ZNF79: variants seen among roughly 807,000 people sequenced by gnomAD.
ZNF79 encodes the protein zinc finger protein 79, also known as ZNFpT7.
A neutral mutation model predicts 14.9 loss-of-function variants in ZNF79; 13 were observed. The ratio of observed to expected loss-of-function variants is 0.87; its 90% CI spans 0.57 to 1.38. The LOEUF is 1.38. Among genes scored for constraint, ZNF79 ranks in the 40% most tolerant of loss-of-function variants. The probability of loss-of-function intolerance (pLI) is 0.00; values close to 1 mark genes in which losing one functional copy is unlikely to be tolerated. For missense variants in ZNF79, 631 were observed against 630.6 expected (o/e 1.00, Z -0.01); for synonymous variants, 223 against 235.1 (o/e 0.95, Z 0.47).
rs541671636 is a variant in ZNF79 at position 127,437,073 on chromosome 9, A to G, written c.328+1070A>G. ...GAAACTCTGTCTTAAAAAAAAAAAA[A>G]AAAAAAAAGAAGATGCAACCTGTCT... On this transcript the variant is annotated intron_variant, in intron 4 of 4. Coordinates refer to ENST00000342483, the MANE Select transcript of ZNF79 (RefSeq NM_007135.3). 6.6e-5 allele frequency among the ~76,000 whole-genome samples: 10 copies of G among 151,592 alleles called. No individual in the cohort carries two copies. In the South Asian group the frequency reaches 2.1e-3, roughly 32 times the overall value.
chr9:127,443,941 CTG>C (rs1834097977), intron 4 of ZNF79, 86 bp from the exon 5 acceptor site: 2 of 1,038,342 alleles, frequency 1.9e-6, no homozygotes, highest in African/African-American at 3.2e-5. Context: ...GTCATCAAAC[CTG>C]TGTGTGTAAG....
chr9:127,444,201 G>C lies in ZNF79; in HGVS notation c.501G>C (p.Ala167=). The change falls in exon 5 of 5, where the codon GCG becomes GCC. Residue 167 remains alanine (A), a synonymous_variant. Transcript: ENST00000342483. Reference sequence around the variant, plus strand: ...CGCAACAGAGAGTGCCCGTGGAAGCGAGACCTCGCAAATGTGAGACACACA... The same window carrying C: ...CGCAACAGAGAGTGCCCGTGGAAGCCAGACCTCGCAAATGTGAGACACACA... ...LSPQQRVPVE[A]RPRKCETHTE... The C allele has an allele frequency of 6.2e-7, 1 of 1,614,038 alleles. No homozygotes were observed. The highest frequency in any genetic ancestry group is 1.3e-5 in the African/African-American group (1 of 75,042).
Position 127,431,877 on chromosome 9 carries a change from G to T in ZNF79, c.105+2957G>T, listed in dbSNP as rs79418903. Reference sequence around the variant, plus strand: ...GCTTGTTTCTGTGGGCTTTGTTGAAGATCAGGTGGTTAGAGGTGTGCAACT... The same window carrying T: ...GCTTGTTTCTGTGGGCTTTGTTGAATATCAGGTGGTTAGAGGTGTGCAACT... On this transcript the variant is annotated intron_variant, in intron 2 of 4. Transcript: ENST00000342483. Among the ~76,000 whole-genome samples the T allele has an allele frequency of 8.0e-3, 1,222 of 152,236 alleles. 8 individuals carry two copies. The highest frequency in any genetic ancestry group is 0.041 in the South Asian group (196 of 4,822).
rs867736181 is a variant in ZNF79 at position 127,444,338 on chromosome 9, A to C, written c.638A>C (p.Lys213Thr). The C allele has an allele frequency of 6.2e-7, 1 of 1,614,094 alleles. No homozygotes were observed. Among genetic ancestry groups the C allele is most frequent in the East Asian group, 2.2e-5 (1 of 44,894 alleles). ...SYCSSLSQHQ[K>T]SHTGEKPYEC... ...TGTTCTTCCCTTTCTCAGCATCAGA[A>C]GAGCCACACTGGAGAGAAGCCCTAT... Residue 213 changes from lysine (K) to threonine (T), a missense_variant, in exon 5 of 5, where the codon AAG becomes ACG. Physicochemically the swap from Lys to Thr is moderately conservative, Grantham distance 78. Transcript: ENST00000342483.
In ZNF79 at chr9:127,445,092, G is replaced by T. The variant is rs1364992924; in HGVS notation, c.1392G>T (p.Gln464His). The T allele has an allele frequency of 6.2e-7, 1 of 1,614,064 alleles. No individual in the cohort carries two copies. The highest frequency in any genetic ancestry group is 2.2e-5 in the East Asian group (1 of 44,850). The change falls in exon 5 of 5, where the codon CAG becomes CAT. Residue 464 changes from glutamine to histidine, a missense_variant. Transcript: ENST00000342483. ...AGAGCTCATCCCTTAGTCAGCATCA[G>T]AGAATCCACACAGGCGTGAAACCCT... The part of the protein sequence containing the change: ...FNQSSSLSQH[Q>H]RIHTGVKPYE...
intron 4 of ZNF79, among the ~76,000 whole-genome samples, chr9:127,439,305 C>T (rs1406865582): frequency 2.6e-5 from 4 of 152,006 alleles, no homozygotes; most frequent in South Asian, 2.1e-4. Flanking sequence ...GGATTCCAGG[C>T]ACACCACTGA....
At chr9:127,442,393 C>T (rs1167861089) in intron 4 of ZNF79, among the ~76,000 whole-genome samples, 2 of 148,450 alleles carry the variant, frequency 1.3e-5, no homozygotes, top group African/African-American at 5.0e-5. Context: ...AAGAGTGAAA[C>T]TCCATCTCAA....
intron 2 of ZNF79, among the ~76,000 whole-genome samples, chr9:127,430,387 C>G (rs1390332171): frequency 6.6e-6 from 1 of 152,088 alleles, no homozygotes; most frequent in Non-Finnish European, 1.5e-5. Flanking sequence ...GCATAGTACC[C>G]CATAGGCAGT....
chr9:127,428,760 C>T, intron 1 of ZNF79, 72 bp from the exon 2 acceptor site: 1 of 1,365,240 alleles, frequency 7.3e-7, no homozygotes, highest in South Asian at 1.7e-5. Context: ...CTGCTATGTC[C>T]CCTCTTCACA....
intron 4 of ZNF79, among the ~76,000 whole-genome samples, chr9:127,437,060 TAAAAAA>T (rs769977106): frequency 1.6e-5 from 2 of 123,800 alleles, no homozygotes; most frequent in Non-Finnish European, 3.3e-5. Context: ...AACTCTGTCT[TAAAAAA>T]AAAAAAAAAA....
In ZNF79 at chr9:127,435,931, A is replaced by G. The variant is rs1390315658; in HGVS notation, c.256A>G (p.Met86Val). 5.0e-6 allele frequency: 8 copies of G among 1,614,094 alleles called. No homozygotes were observed. The highest frequency in any genetic ancestry group is 1.3e-5 in the African/African-American group (1 of 74,942). Residue 86 changes from methionine to valine, a missense_variant, in exon 4 of 5, where the codon ATG (methionine) becomes GTG (valine). Transcript: ENST00000342483. ...AGGACTTCCAGTTTCCCAGCCTGGC[A>G]TGAACTCCCAGTTGGAACAAAGGGA... is the stretch of plus-strand genomic sequence containing the variant. ...LLGLPVSQPG[M>V]NSQLEQREGA...
intron 1 of ZNF79, among the ~76,000 whole-genome samples, chr9:127,425,257 G>A (rs1468311306): frequency 2.6e-5 from 4 of 152,218 alleles, no homozygotes; most frequent in Non-Finnish European, 4.4e-5. Flanking sequence ...GGAATTTGCA[G>A]TTAGAAGGCA....
chr9:127,438,221 A>C (rs1207144586), intron 4 of ZNF79, among the ~76,000 whole-genome samples: 3 of 152,148 alleles, frequency 2.0e-5, no homozygotes, highest in Non-Finnish European at 4.4e-5. Context: ...TCAGTCCCAC[A>C]AGGCACCCCC....
At chr9:127,432,753 GCTGA>G (rs1272283946) in intron 2 of ZNF79, among the ~76,000 whole-genome samples, 2 of 151,736 alleles carry the variant, frequency 1.3e-5, no homozygotes, top group Non-Finnish European at 2.9e-5. Context: ...TTCACTTTGG[GCTGA>G]CTGTCAATGA....
intron 2 of ZNF79, among the ~76,000 whole-genome samples, chr9:127,429,328 T>A (rs7037792): frequency 0.049 from 7,319 of 150,250 alleles, 585 homozygotes; most frequent in African/African-American, 0.17. Flanking sequence ...TTTTATTATT[T>A]TTTTTTTTTT....
chr9:127,435,338 C>A, intron 3 of ZNF79, 122 bp downstream of exon 3: 2 of 1,201,772 alleles, frequency 1.7e-6, no homozygotes, highest in Non-Finnish European at 2.2e-6. Flanking sequence ...GTTTATTCCT[C>A]TTGTTCTCTT....
intron 3 of ZNF79, 97 bp from the exon 4 acceptor site, chr9:127,435,811 T>G (rs1019026175): frequency 1.1e-6 from 1 of 927,758 alleles, no homozygotes; most frequent in Admixed American, 1.8e-5. Context: ...CTGAATGAAA[T>G]GAACAGTCCA....
intron 4 of ZNF79, among the ~76,000 whole-genome samples, chr9:127,437,449 A>G (rs1421361218): frequency 1.3e-5 from 2 of 152,020 alleles, no homozygotes; most frequent in African/African-American, 4.8e-5. Context: ...GAGGGGAACA[A>G]CTGCCTTTTT....
intron 4 of ZNF79, among the ~76,000 whole-genome samples, chr9:127,441,621 G>GACCA (rs1375628628): frequency 6.6e-6 from 1 of 150,524 alleles, no homozygotes; most frequent in African/African-American, 2.4e-5. Context: ...AGACCAGCCT[G>GACCA]ACCAACATGT....
Sources: gnomAD v4.1 joint callset for allele counts (sites outside exome capture counted in the v4.1 genomes callset) on GRCh38, gnomAD v4.1.1 for gene constraint, MANE v1.5 for transcripts, NCBI Gene and HGNC (gene_info 2026-07-23, HGNC 2026-07-21) for gene names.